The following GIPR variants were observed in gnomAD, a reference collection of about 807,000 sequenced individuals.
GIPR encodes gastric inhibitory polypeptide receptor.
A neutral mutation model predicts 62.2 loss-of-function variants in GIPR; 74 were observed. That is an observed-to-expected ratio of 1.19 (90% CI 0.99 to 1.44). GIPR has a LOEUF of 1.44. Among genes scored for constraint, GIPR ranks in the 40% most tolerant of loss-of-function variants. The probability of loss-of-function intolerance (pLI) is 0.00; values close to 1 mark genes in which losing one functional copy is unlikely to be tolerated. For synonymous variants in GIPR, 256 were observed against 262.2 expected (o/e 0.98, Z 0.23); for missense variants, 664 against 611.8 (o/e 1.09, Z -0.90).
At chr19:45,670,811 C>A in intron 3 of GIPR, 77 bp downstream of exon 3, 1 of 821,116 alleles carries the variant, frequency 1.2e-6, no homozygotes, top group South Asian at 1.7e-5. Flanking sequence ...CTTGGGCTGA[C>A]GGGCGGGGAA....
At position 45,674,126 on chromosome 19, in the gene GIPR, C is replaced by T. The variant is rs1298512253; in HGVS notation, c.437C>T (p.Ser146Phe). 6.2e-7 allele frequency: 1 copy of T among 1,613,868 alleles called. No individual in the cohort carries two copies. Among genetic ancestry groups the T allele is most frequent in the Non-Finnish European group, 8.5e-7 (1 of 1,179,784 alleles). ...RLQVMYTVGYSLSLATLLLAL... is the reference protein window; with the variant it reads ...RLQVMYTVGYFLSLATLLLAL... ...CAGGTCATGTACACTGTCGGCTACT[C>T]CCTGTCTCTCGCCACACTGCTGCTA... The change falls in exon 6 of 14, where the codon TCC (serine) becomes TTC (phenylalanine). Residue 146 changes from serine (S) to phenylalanine (F), a missense_variant. Ser to Phe is a radical substitution (Grantham distance 155, BLOSUM62 -2). Coordinates refer to ENST00000590918, the MANE Select transcript of GIPR (RefSeq NM_000164.4).
Position 45,674,070 on chromosome 19 carries a change from C to A in GIPR, c.385-4C>A, listed in dbSNP as rs963936856. On this transcript the variant is annotated splice_region_variant and splice_polypyrimidine_tract_variant and intron_variant, in intron 5 of 13. Coordinates refer to ENST00000590918, the MANE Select transcript of GIPR (RefSeq NM_000164.4). Reference sequence around the variant, plus strand: ...TGTTCCCTTCCCCTTCTTGCCCCGACCAGGACCAAAGGCTCATCTTGGAGC... The same window carrying A: ...TGTTCCCTTCCCCTTCTTGCCCCGAACAGGACCAAAGGCTCATCTTGGAGC... The A allele has an allele frequency of 2.5e-6, 4 of 1,594,418 alleles. No individual in the cohort carries two copies. The Admixed American group carries it at 5.0e-5, about 20-fold the overall frequency.
At position 45,678,137 on chromosome 19, in the gene GIPR, G is replaced by T. The variant is rs1299669089; in HGVS notation, c.1063G>T (p.Val355Leu). Residue 355 changes from valine to leucine, a missense_variant, in exon 12 of 14, where the codon GTG (valine) becomes TTG (leucine). Physicochemically the swap from Val to Leu is conservative, Grantham distance 32 (BLOSUM62 1). Transcript: ENST00000590918. ...TLVPLLGVHE[V>L]VFAPVTEEQA... The stretch of plus-strand genomic sequence containing the variant: ...GGTGCCCCTGCTGGGTGTCCACGAG[G>T]TGGTGTTTGCTCCCGTGACAGAGGA... 6.2e-7 allele frequency: 1 copy of T among 1,611,884 alleles called. No homozygotes were observed. Among genetic ancestry groups the T allele is most frequent in the Admixed American group, 1.7e-5 (1 of 59,812 alleles).
intron 4 of GIPR, 88 bp downstream of exon 4, chr19:45,671,480 C>G: frequency 1.2e-6 from 1 of 816,910 alleles, no homozygotes; most frequent in Non-Finnish European, 2.1e-6. Context: ...AGTCCCACAG[C>G]TCACCTGCAC....
chr19:45,670,021 G>A (rs1975454553), intron 2 of GIPR, among the ~76,000 whole-genome samples: 1 of 151,682 alleles, frequency 6.6e-6, no homozygotes, highest in African/African-American at 2.4e-5. Flanking sequence ...GATTCAAGTT[G>A]TTGGGTGGTG....
intron 8 of GIPR, 87 bp from the exon 9 acceptor site, chr19:45,677,236 G>A: frequency 1.5e-6 from 2 of 1,356,110 alleles, no homozygotes; most frequent in Non-Finnish European, 1.0e-6. Context: ...CCCGACAGAG[G>A]AATTCCGCGG....
intron 7 of GIPR, among the ~76,000 whole-genome samples, chr19:45,676,717 A>C (rs1966945084): frequency 6.6e-6 from 1 of 152,122 alleles, no homozygotes; most frequent in South Asian, 2.1e-4. Context: ...TACAGGCGTG[A>C]GCCACCGCGC....
In GIPR at chr19:45,671,173, GGCGGAGAAGCACTTGGCCCACT is replaced by G. The variant is rs1363150397; in HGVS notation, c.173-86_173-65del. On this transcript the variant is annotated intron_variant, in intron 3 of 13. Coordinates refer to ENST00000590918, the MANE Select transcript of GIPR (RefSeq NM_000164.4). ...GGCTAGAGCCGGGCTTGGTGTGGCC[GGCGGAGAAGCACTTGGCCCACT>G]GCGGAGAAGCACTTGGCCCACTGCG... 2,363 of 754,088 alleles carry G rather than the reference GGCGGAGAAGCACTTGGCCCACT, an allele frequency of 3.1e-3. 8 individuals carry two copies. Among genetic ancestry groups the G allele is most frequent in the Non-Finnish European group, 3.7e-3 (1,571 of 420,968 alleles). The allele number at this position is 754,088 out of a possible 1,614,324, so 46.7% of individuals were successfully genotyped here.
At chr19:45,680,048 G>C (rs577531849) in intron 12 of GIPR, among the ~76,000 whole-genome samples, 13 of 152,234 alleles carry the variant, frequency 8.5e-5, no homozygotes, top group Admixed American at 5.9e-4. Flanking sequence ...GGGATTACAG[G>C]TGTGAGCCAC....
chr19:45,673,129 G>T (rs886494714), intron 5 of GIPR, among the ~76,000 whole-genome samples, 175 bp downstream of exon 5: 1 of 152,098 alleles, frequency 6.6e-6, no homozygotes, highest in African/African-American at 2.4e-5. Flanking sequence ...TGATGGAAAA[G>T]AATAAGATGG....
intron 2 of GIPR, 53 bp downstream of exon 2, chr19:45,669,645 C>T (rs1975433750): frequency 6.5e-7 from 1 of 1,540,750 alleles, no homozygotes; most frequent in Non-Finnish European, 8.7e-7. Context: ...GGTATGGGGA[C>T]GGTTTTAGGG....
intron 2 of GIPR, 105 bp from the exon 3 acceptor site, chr19:45,670,530 C>T: frequency 1.3e-6 from 1 of 748,394 alleles, no homozygotes; most frequent in South Asian, 1.6e-5. Flanking sequence ...GAACAACACG[C>T]AACAGACCCT....
intron 4 of GIPR, 43 bp from the exon 5 acceptor site, chr19:45,672,808 T>C (rs1230278463): frequency 8.5e-7 from 1 of 1,180,202 alleles, no homozygotes; most frequent in Non-Finnish European, 1.3e-6. Context: ...TGTATTTATC[T>C]CTTTCTCTGT....
rs771609952 is a variant in GIPR, at chr19:45,671,379, C to CT, written c.268dup (p.Trp90LeufsTer17). The CT allele has an allele frequency of 1.2e-6, 2 of 1,605,752 alleles. No homozygotes were observed. The highest frequency in any genetic ancestry group is 1.7e-6 in the Non-Finnish European group (2 of 1,174,986). On this transcript the variant is annotated frameshift_variant, in exon 4 of 14. Transcript: ENST00000590918. LOFTEE classifies it high-confidence loss of function. ...GTGCGTCCTGCCCCTGGTACCTGCC[C>CT]TGGCACCACCATGGTGAGGTGCTCC...
At chr19:45,677,578 A>G (rs988207514) in intron 9 of GIPR, 132 bp from the exon 10 acceptor site, 5 of 877,286 alleles carry the variant, frequency 5.7e-6, no homozygotes, top group African/African-American at 1.6e-5. Flanking sequence ...TGGGGCCTGG[A>G]TCGTAATGGG....
chr19:45,679,317 T>TA (rs1431294805), intron 12 of GIPR, among the ~76,000 whole-genome samples: 1 of 151,714 alleles, frequency 6.6e-6, no homozygotes, highest in Non-Finnish European at 1.5e-5. Context: ...CTGTCTCTAC[T>TA]AAAAAAATAG....
chr19:45,672,741 T>G, intron 4 of GIPR, 110 bp from the exon 5 acceptor site: 1 of 719,486 alleles, frequency 1.4e-6, no homozygotes, highest in Non-Finnish European at 2.6e-6. Context: ...ATCATCATCA[T>G]CATCATCACC....
At chr19:45,681,409 C>T (rs1207112048) in intron 12 of GIPR, among the ~76,000 whole-genome samples, 195 bp from the exon 13 acceptor site, 1 of 152,164 alleles carries the variant, frequency 6.6e-6, no homozygotes, top group African/African-American at 2.4e-5. Flanking sequence ...GCAGGATAAT[C>T]ACTTGAACCC....
At position 45,671,301 on chromosome 19, in the gene GIPR, G is replaced by A. The variant is rs1439208680; in HGVS notation, c.189G>A (p.Gly63=). Residue 63 remains glycine, a synonymous_variant, in exon 4 of 14, where the codon GGG becomes GGA. Transcript: ENST00000590918. The part of the protein sequence containing the change: ...AEPPSGLACN[G]SFDMYVCWDY... ...CACCCCCAGGCCTCGCCTGTAACGGGTCCTTCGATATGTACGTCTGCTGGG... is the reference window on the plus strand; with the variant it reads ...CACCCCCAGGCCTCGCCTGTAACGGATCCTTCGATATGTACGTCTGCTGGG... The A allele has an allele frequency of 6.2e-7, 1 of 1,611,868 alleles. No individual in the cohort carries two copies. Among genetic ancestry groups the A allele is most frequent in the South Asian group, 1.1e-5 (1 of 91,062 alleles).
Sources: allele counts gnomAD v4.1 joint callset (sites outside exome capture counted in the v4.1 genomes callset), GRCh38; gene constraint gnomAD v4.1.1; transcripts MANE v1.5; gene names NCBI Gene and HGNC (gene_info 2026-07-23, HGNC 2026-07-21).